The following RNF170 variants were observed in gnomAD, a reference collection of about 807,000 sequenced individuals.
The protein encoded by RNF170 is E3 ubiquitin-protein ligase RNF170.
In RNF170, 12 loss-of-function variants were observed where a neutral mutation model predicts 32.7. The observed-to-expected ratio is 0.37, with a 90% CI of 0.24 to 0.60. The LOEUF (loss-of-function observed/expected upper bound fraction) is 0.60, where lower values mean the gene tolerates loss of function less well. RNF170 is among the 20% of genes least tolerant of loss of function. RNF170 has a pLI of 0.72. For synonymous variants in RNF170, 91 were observed against 103.6 expected (o/e 0.88, Z 0.74); for missense variants, 212 against 311.2 (o/e 0.68, Z 2.40).
chr8:42,853,995 T>C lies in RNF170; in HGVS notation c.*2164A>G, dbSNP rs1465128704. ...ATCCTGTCAAAAAATGACATCACCA[T>C]TCCCCCACACCAAATGTGTAATTGG... On this transcript the variant is annotated 3_prime_UTR_variant, in exon 7 of 7. Transcript: ENST00000527424. 14 of 1,286,964 alleles carry C rather than the reference T, an allele frequency of 1.1e-5. No individual in the cohort carries two copies. The highest frequency in any genetic ancestry group is 1.4e-5 in the Non-Finnish European group (14 of 988,562). The allele number at this position is 1,286,964 out of a possible 1,614,324, so 79.7% of individuals were successfully genotyped here. A position where few individuals can be genotyped will look rare whatever the true frequency, so the allele number is the denominator to read the frequency against.
At chr8:42,883,745 A>G (rs1805599867) in intron 2 of RNF170, among the ~76,000 whole-genome samples, 1 of 152,090 alleles carries the variant, frequency 6.6e-6, no homozygotes, top group Non-Finnish European at 1.5e-5. Context: ...TATTTTTTAA[A>G]AAGTTTAACA....
intron 4 of RNF170, among the ~76,000 whole-genome samples, chr8:42,867,775 CAAAAAA>C (rs1054907767): frequency 3.7e-3 from 91 of 24,766 alleles, no homozygotes; most frequent in African/African-American, 0.013. Context: ...GACTCCATCT[CAAAAAA>C]AAAAAAAAAA....
intron 2 of RNF170, among the ~76,000 whole-genome samples, chr8:42,881,856 G>A (rs1805437632): frequency 6.6e-6 from 1 of 152,106 alleles, no homozygotes; most frequent in Admixed American, 6.6e-5. Context: ...GATCACTTGA[G>A]CCTGGGAGAT....
intron 4 of RNF170, among the ~76,000 whole-genome samples, chr8:42,867,195 G>A (rs1278208313): frequency 6.6e-6 from 1 of 152,180 alleles, no homozygotes; most frequent in African/African-American, 2.4e-5. Flanking sequence ...AAAAGGGCCT[G>A]GCACAGTGGC....
At position 42,853,567 on chromosome 8, in the gene RNF170, T is replaced by C. The variant is rs1320067358; in HGVS notation, c.*2592A>G. 2.3e-6 allele frequency: 3 copies of C among 1,286,970 alleles called. No individual in the cohort carries two copies. Among genetic ancestry groups the C allele is most frequent in the Non-Finnish European group, 3.0e-6 (3 of 988,626 alleles). 79.7% of individuals were successfully genotyped at this position (1,286,970 alleles called of 1,614,324 possible). ...CAGAGCTGCCCAAGTTATTATCTGC[T>C]CCTGGGGTTGGACCATCTGTTTTAT... On this transcript the variant is annotated 3_prime_UTR_variant, in exon 7 of 7. Coordinates refer to ENST00000527424, the MANE Select transcript of RNF170 (RefSeq NM_030954.4).
rs573519715 is a variant in RNF170, at chr8:42,895,141, C to A, written c.-8+1343G>T. ...ACCAGCCTGGGCAACATAGCGAGAC[C>A]CCCTCTCTACAAAAAATAAGAAAAT... On this transcript the variant is annotated intron_variant, in intron 1 of 6. Transcript: ENST00000527424. Among the ~76,000 whole-genome samples, 9 of 151,976 alleles carry A rather than the reference C, an allele frequency of 5.9e-5. No homozygotes were observed. In the South Asian group the frequency reaches 1.9e-3, roughly 32 times the overall value.
intron 3 of RNF170, among the ~76,000 whole-genome samples, chr8:42,871,929 A>G (rs1337149908): frequency 1.3e-5 from 2 of 152,268 alleles, no homozygotes; most frequent in African/African-American, 4.8e-5. Context: ...ACTTTCTGCA[A>G]TAATTGAAAT....
In RNF170 at chr8:42,891,463, G is replaced by C. The variant is rs183931596; in HGVS notation, c.-7-3592C>G. ...ATTGTCCTGTACCTAACTCAGACCA[G>C]ATGGTGCCCCAAACAGGGGTCTCAT... is the stretch of plus-strand genomic sequence containing the variant. On this transcript the variant is annotated intron_variant, in intron 1 of 6. Coordinates refer to ENST00000527424, the MANE Select transcript of RNF170 (RefSeq NM_030954.4). Among the ~76,000 whole-genome samples, 9 of 152,256 alleles carry C rather than the reference G, an allele frequency of 5.9e-5. No individual in the cohort carries two copies. The East Asian group carries it at 1.2e-3, about 20-fold the overall frequency.
chr8:42,853,449 C>T lies in RNF170; in HGVS notation c.*2710G>A. On this transcript the variant is annotated 3_prime_UTR_variant, in exon 7 of 7. Coordinates refer to ENST00000527424, the MANE Select transcript of RNF170 (RefSeq NM_030954.4). ...CAAGGGATCCACATAGTCCTTTCTT[C>T]CCTTGTACCTCTCAAACACTGAGAA... The T allele has an allele frequency of 2.3e-6, 3 of 1,287,134 alleles. No individual in the cohort carries two copies. The highest frequency in any genetic ancestry group is 3.0e-6 in the Non-Finnish European group (3 of 988,678). 79.7% of individuals were successfully genotyped at this position (1,287,134 alleles called of 1,614,324 possible). A position where few individuals can be genotyped will look rare whatever the true frequency, so the allele number is the denominator to read the frequency against.
At chr8:42,871,700 T>C (rs1175565176) in intron 3 of RNF170, among the ~76,000 whole-genome samples, 1 of 151,670 alleles carries the variant, frequency 6.6e-6, no homozygotes, top group Non-Finnish European at 1.5e-5. Flanking sequence ...GCCTCTGGAG[T>C]AGCTGGGATT....
At chr8:42,850,671 G>A (rs1802917691), downstream of RNF170, 2 of 1,099,004 alleles carry the variant, frequency 1.8e-6, no homozygotes, top group Non-Finnish European at 2.7e-6. Context: ...TGATGATGCT[G>A]TGCTGAGATG....
At chr8:42,890,787 A>C (rs1806237361) in intron 1 of RNF170, among the ~76,000 whole-genome samples, 1 of 152,158 alleles carries the variant, frequency 6.6e-6, no homozygotes, top group Admixed American at 6.5e-5. Flanking sequence ...AGATCTACTA[A>C]TGCCATTTGA....
chr8:42,857,202 G>A (rs1586477189), intron 6 of RNF170, among the ~76,000 whole-genome samples: 1 of 152,342 alleles, frequency 6.6e-6, no homozygotes, highest in Non-Finnish European at 1.5e-5. Context: ...TAAGTTGAGA[G>A]GGAGATGGAG....
intron 3 of RNF170, 57 bp from the exon 4 acceptor site, chr8:42,870,169 T>C (rs1170583039): frequency 1.7e-5 from 20 of 1,200,692 alleles, no homozygotes; most frequent in Admixed American, 1.8e-5. Context: ...CTCAACAGTA[T>C]CTCATGTTAA....
At chr8:42,861,590 G>T in intron 6 of RNF170, 155 bp downstream of exon 6, 3 of 667,104 alleles carry the variant, frequency 4.5e-6, no homozygotes, top group South Asian at 1.6e-5. Context: ...TGATCCACCT[G>T]CCTTGGCCTC....
intron 1 of RNF170, among the ~76,000 whole-genome samples, chr8:42,894,133 A>T (rs1563279653): frequency 6.6e-6 from 1 of 152,226 alleles, no homozygotes; most frequent in Non-Finnish European, 1.5e-5. Context: ...CTCACATCCA[A>T]AAAGTTTTTA....
At chr8:42,892,248 C>T (rs1806363772) in intron 1 of RNF170, among the ~76,000 whole-genome samples, 1 of 152,124 alleles carries the variant, frequency 6.6e-6, no homozygotes, top group East Asian at 1.9e-4. Context: ...CAGTGGTGCA[C>T]CCTTGGCTCA....
chr8:42,896,760 G>GGCGGCGGCGGCGGCGGC (rs1273202034), upstream of RNF170: 2 of 146,248 alleles, frequency 1.4e-5, no homozygotes, highest in Non-Finnish European at 3.0e-5. Context: ...CGGCGGCGGC[G>GGCGGCGGCGGCGGCGGC]GCGGCGGCGG....
At chr8:42,875,776 C>T (rs1031640834) in intron 2 of RNF170, among the ~76,000 whole-genome samples, 1 of 152,158 alleles carries the variant, frequency 6.6e-6, no homozygotes, top group African/African-American at 2.4e-5. Context: ...GGGGTTTCAC[C>T]ATGTTGGCCA....
Sources: gnomAD v4.1 joint callset for allele counts (sites outside exome capture counted in the v4.1 genomes callset) on GRCh38, gnomAD v4.1.1 for gene constraint, MANE v1.5 for transcripts, NCBI Gene and HGNC (gene_info 2026-07-23, HGNC 2026-07-21) for gene names.